The following MTF1 variants were observed in gnomAD, a reference collection of about 807,000 sequenced individuals.
MTF1 encodes MRE-binding transcription factor.
A neutral mutation model predicts 70.4 loss-of-function variants in MTF1; 22 were observed. That is an observed-to-expected ratio of 0.31 (90% CI 0.22 to 0.45). The LOEUF is 0.45. Ranked by LOEUF, MTF1 falls within the 20% of genes least tolerant of loss-of-function variation. The pLI, the probability that MTF1 is intolerant of heterozygous loss-of-function variation, is 1.00. For missense variants in MTF1, 649 were observed against 922.0 expected (o/e 0.70, Z 3.83); for synonymous variants, 333 against 352.8 (o/e 0.94, Z 0.63).
At position 37,835,426 on chromosome 1, in the gene MTF1, G is replaced by A. The variant is rs1185646383; in HGVS notation, c.854-211C>T. On this transcript the variant is annotated intron_variant, in intron 5 of 10. Transcript: ENST00000373036. The stretch of plus-strand genomic sequence containing the variant: ...AATGCCTACTGCTGGGAAGTTTAAA[G>A]AGTAGATTTGTTTCTCACAGGTTGT... Among the ~76,000 whole-genome samples, 96 of 152,270 alleles carry A rather than the reference G, an allele frequency of 6.3e-4. 1 individual carries two copies. The highest frequency in any genetic ancestry group is 2.9e-5 in the Non-Finnish European group (2 of 68,020).
At chr1:37,857,807 G>A (rs979175215) in intron 1 of MTF1, 98 bp from the exon 2 acceptor site, 10 of 665,384 alleles carry the variant, frequency 1.5e-5, no homozygotes, top group Admixed American at 8.9e-5. Context: ...TAAAGAGCAA[G>A]CCAAAGCAAA....
chr1:37,837,598 C>T (rs1000077481), intron 4 of MTF1, among the ~76,000 whole-genome samples: 2 of 152,110 alleles, frequency 1.3e-5, no homozygotes, highest in African/African-American at 4.8e-5. Context: ...CTCCGCCTCT[C>T]TGGTTCCAGC....
chr1:37,827,329 C>A (rs997812962), intron 7 of MTF1, among the ~76,000 whole-genome samples: 1 of 139,760 alleles, frequency 7.2e-6, no homozygotes, highest in Non-Finnish European at 1.5e-5. Flanking sequence ...GCAACCTCCT[C>A]ATAGTTGTTA....
intron 3 of MTF1, 53 bp downstream of exon 3, chr1:37,839,867 A>G (rs2148414303): frequency 6.9e-7 from 1 of 1,444,240 alleles, no homozygotes; most frequent in Non-Finnish European, 9.7e-7. Flanking sequence ...GAGCTCTGCC[A>G]TCACAACAAG....
At chr1:37,826,014 C>T (rs74067334) in intron 7 of MTF1, among the ~76,000 whole-genome samples, 10 of 152,176 alleles carry the variant, frequency 6.6e-5, no homozygotes, top group Non-Finnish European at 1.3e-4. Flanking sequence ...GGCCAGCACC[C>T]CTAGCCCCTG....
intron 8 of MTF1, 82 bp downstream of exon 8, chr1:37,823,628 T>C (rs1405376848): frequency 6.5e-6 from 7 of 1,076,378 alleles, no homozygotes; most frequent in African/African-American, 1.5e-5. Context: ...TCATTTACGC[T>C]AACTAGAATG....
intron 2 of MTF1, among the ~76,000 whole-genome samples, chr1:37,847,676 A>C (rs1641353924): frequency 6.6e-6 from 1 of 152,222 alleles, no homozygotes. Context: ...AGGGGACTAC[A>C]GACAGGTTCT....
intron 2 of MTF1, among the ~76,000 whole-genome samples, chr1:37,854,409 A>G (rs964799551): frequency 2.6e-5 from 4 of 152,194 alleles, no homozygotes; most frequent in African/African-American, 4.8e-5. Flanking sequence ...GGGTTTCTCA[A>G]TCCCAGCACT....
chr1:37,814,932 T>TTTTTTTG lies in MTF1; in HGVS notation c.*197_*203dup, dbSNP rs761065693. ...CTTATAACTTAGCTTTTTTTGTTGT[T>TTTTTTTG]TTTTTTGTTTTTTGTTTTTTTCCAA... On this transcript the variant is annotated 3_prime_UTR_variant, in exon 11 of 11. Coordinates refer to ENST00000373036, the MANE Select transcript of MTF1 (RefSeq NM_005955.3). 3.2e-4 allele frequency: 176 copies of TTTTTTTG among 555,392 alleles called. No homozygotes were observed. Among genetic ancestry groups the TTTTTTTG allele is most frequent in the Middle Eastern group, 2.4e-3 (5 of 2,098 alleles). 34.4% of individuals were successfully genotyped at this position (555,392 alleles called of 1,614,324 possible).
At chr1:37,856,007 G>A (rs1210256145) in intron 2 of MTF1, among the ~76,000 whole-genome samples, 2 of 151,680 alleles carry the variant, frequency 1.3e-5, no homozygotes, top group Non-Finnish European at 2.9e-5. Context: ...CTTTAAACCA[G>A]AACTTTTATT....
intron 2 of MTF1, among the ~76,000 whole-genome samples, chr1:37,854,797 T>C (rs1641466042): frequency 6.6e-6 from 1 of 152,148 alleles, no homozygotes; most frequent in African/African-American, 2.4e-5. Flanking sequence ...CGGTGGCTCA[T>C]GCCTGTAATC....
chr1:37,847,056 C>T (rs760650028), intron 2 of MTF1, among the ~76,000 whole-genome samples: 13 of 152,160 alleles, frequency 8.5e-5, no homozygotes, highest in South Asian at 2.1e-4. Flanking sequence ...TAATGGACAA[C>T]CAAAAAGCTC....
rs78527384 is a variant in MTF1, at chr1:37,851,686, C to A, written c.408+5565G>T. ...TCTGTCTTGGTTTAACTTAATGTTTCCCGAACATTCGCTCATGAAACACTT... is the reference window on the plus strand; with the variant it reads ...TCTGTCTTGGTTTAACTTAATGTTTACCGAACATTCGCTCATGAAACACTT... On this transcript the variant is annotated intron_variant, in intron 2 of 10. Transcript: ENST00000373036. Among the ~76,000 whole-genome samples the A allele has an allele frequency of 6.7e-3, 1,016 of 152,222 alleles. 8 individuals carry two copies. The highest frequency in any genetic ancestry group is 0.011 in the Non-Finnish European group (762 of 68,028).
At chr1:37,841,265 C>A in intron 2 of MTF1, 1 of 154,900 alleles carries the variant, frequency 6.5e-6, no homozygotes, top group South Asian at 1.8e-4. Context: ...GGCCATGATC[C>A]TGGTCAAGCT....
intron 2 of MTF1, among the ~76,000 whole-genome samples, chr1:37,846,227 T>A (rs1266614833): frequency 6.6e-6 from 1 of 151,906 alleles, no homozygotes; most frequent in South Asian, 2.1e-4. Context: ...AAGAACAACA[T>A]GGTTTGAGAA....
At chr1:37,830,067 T>G (rs974674760) in intron 7 of MTF1, among the ~76,000 whole-genome samples, 2 of 152,196 alleles carry the variant, frequency 1.3e-5, no homozygotes, top group African/African-American at 4.8e-5. Context: ...GTCATAGTCT[T>G]GGCCAGAGAA....
Position 37,811,881 on chromosome 1 carries a change from AT to A in MTF1, c.*3254del, listed in dbSNP as rs1557582351. 1 of 152,638 alleles carries A rather than the reference AT, an allele frequency of 6.6e-6. No homozygotes were observed. Among genetic ancestry groups the A allele is most frequent in the Non-Finnish European group, 1.5e-5 (1 of 68,044 alleles). The allele number at this position is 152,638 out of a possible 1,614,324, so 9.5% of individuals were successfully genotyped here. A position where few individuals can be genotyped will look rare whatever the true frequency, so the allele number is the denominator to read the frequency against. ...CTGTCACCAAACTGGTGGTGCCCCC[AT>A]GAGACTGGCCAGACCCTGCCAGCAA... On this transcript the variant is annotated 3_prime_UTR_variant, in exon 11 of 11. Transcript: ENST00000373036.
At position 37,814,822 on chromosome 1, in the gene MTF1, G is replaced by T. The variant is rs1483386032; in HGVS notation, c.*314C>A. On this transcript the variant is annotated 3_prime_UTR_variant, in exon 11 of 11. Transcript: ENST00000373036. ...GATGGAAACCACACCCTTTCATTTA[G>T]AATTTTTATGCACACGAGTAACCTT... is the stretch of plus-strand genomic sequence containing the variant. 7.0e-6 allele frequency: 2 copies of T among 285,738 alleles called. No homozygotes were observed. Among genetic ancestry groups the T allele is most frequent in the Admixed American group, 4.8e-5 (1 of 20,732 alleles). The allele number at this position is 285,738 out of a possible 1,614,324, so 17.7% of individuals were successfully genotyped here.
intron 9 of MTF1, among the ~76,000 whole-genome samples, chr1:37,819,892 C>G (rs1640883971): frequency 7.2e-6 from 1 of 138,042 alleles, no homozygotes; most frequent in Admixed American, 8.1e-5. Context: ...GCGGAGGTTG[C>G]AGTGAGCCAA....
Sources: gnomAD v4.1 joint callset for allele counts (sites outside exome capture counted in the v4.1 genomes callset) on GRCh38, gnomAD v4.1.1 for gene constraint, MANE v1.5 for transcripts, NCBI Gene and HGNC (gene_info 2026-07-23, HGNC 2026-07-21) for gene names.